ATP10A: variants seen among roughly 807,000 people sequenced by gnomAD.
ATP10A encodes ATPase phospholipid transporting 10A (putative).
Under a neutral mutation model 147.8 loss-of-function variants are expected in ATP10A, and 111 were observed. The ratio of observed to expected loss-of-function variants is 0.75; its 90% CI spans 0.64 to 0.88. ATP10A has a LOEUF of 0.88. Ranked by LOEUF, ATP10A falls within the 40% of genes least tolerant of loss-of-function variation. The probability of loss-of-function intolerance (pLI) is 0.00; values close to 1 mark genes in which losing one functional copy is unlikely to be tolerated. For synonymous variants in ATP10A, 875 were observed against 841.6 expected, an observed-to-expected ratio of 1.04 and a Z score of -0.69; for missense variants, 1,927 against 1,959.0, an observed-to-expected ratio of 0.98 and a Z score of 0.31.
At chr15:25,775,089 T>C (rs1327505309) in intron 2 of ATP10A, among the ~76,000 whole-genome samples, 1 of 152,190 alleles carries the variant, frequency 6.6e-6, no homozygotes, top group Non-Finnish European at 1.5e-5. Context: ...GATGATAGAT[T>C]ATGCTGCCTC....
chr15:25,710,402 T>A (rs1280547088), intron 10 of ATP10A: 1 of 152,184 alleles, frequency 6.6e-6, no homozygotes, highest in Non-Finnish European at 1.5e-5. Context: ...TCTGCGAAGA[T>A]GACTCCAGTG....
intron 1 of ATP10A, among the ~76,000 whole-genome samples, chr15:25,795,737 G>T (rs1388076534): frequency 6.6e-6 from 1 of 152,174 alleles, no homozygotes; most frequent in African/African-American, 2.4e-5. Flanking sequence ...ATGTGCTATA[G>T]TGTGGATGTT....
intron 1 of ATP10A, among the ~76,000 whole-genome samples, chr15:25,805,846 G>A (rs560326661): frequency 4.1e-4 from 63 of 152,162 alleles, no homozygotes; most frequent in South Asian, 1.0e-3. Context: ...AGAGACTAAA[G>A]GAAAATGTAT....
intron 1 of ATP10A, among the ~76,000 whole-genome samples, chr15:25,789,905 A>G (rs879753128): frequency 6.6e-5 from 10 of 152,142 alleles, no homozygotes; most frequent in Non-Finnish European, 1.2e-4. Flanking sequence ...ACATTGTCAA[A>G]TGCCTCCTGG....
Position 25,804,856 on chromosome 15 carries a change from G to C in ATP10A, c.450-23633C>G, listed in dbSNP as rs141202825. 2.5e-3 allele frequency among the ~76,000 whole-genome samples: 383 copies of C among 152,176 alleles called. 1 individual carries two copies. Among genetic ancestry groups the C allele is most frequent in the African/African-American group, 9.0e-3 (372 of 41,502 alleles). On this transcript the variant is annotated intron_variant, in intron 1 of 20. Coordinates refer to ENST00000555815, the MANE Select transcript of ATP10A (RefSeq NM_024490.4). ...AATAGTTGAAAAAATTGATATGAAA[G>C]TTCTTTTAGAAGTAAAAAATAAAAT...
chr15:25,863,466 G>A (rs1330464254), upstream of ATP10A, among the ~76,000 whole-genome samples: 2 of 152,176 alleles, frequency 1.3e-5, no homozygotes, highest in African/African-American at 2.4e-5. Context: ...AAAAAAGCCC[G>A]AGCTGGAAAC....
Position 25,714,188 on chromosome 15 carries a change from C to G in ATP10A, c.1830G>C (p.Leu610=), listed in dbSNP as rs936341776. The G allele has an allele frequency of 6.2e-7, 1 of 1,606,330 alleles. No homozygotes were observed. The highest frequency in any genetic ancestry group is 1.7e-5 in the Admixed American group (1 of 60,014). ...TCAGGCAGCTGGGTGTGAACCTCCGCAGGAAGTCTTCTATCGTCTTCACCG... is the reference window on the plus strand; with the variant it reads ...TCAGGCAGCTGGGTGTGAACCTCCGGAGGAAGTCTTCTATCGTCTTCACCG... The part of the protein sequence containing the change: ...KSPVKTIEDF[L]RRFTPSCLTS... Residue 610 remains leucine, a synonymous_variant, in exon 10 of 21, where the codon CTG becomes CTC. Transcript: ENST00000555815.
intron 1 of ATP10A, among the ~76,000 whole-genome samples, chr15:25,792,619 C>T (rs1217160280): frequency 6.6e-6 from 1 of 152,194 alleles, no homozygotes; most frequent in African/African-American, 2.4e-5. Context: ...CCCCAACCCC[C>T]CAAGCACTGG....
intron 2 of ATP10A, 87 bp from the exon 3 acceptor site, chr15:25,736,228 C>A (rs566132580): frequency 2.0e-5 from 21 of 1,043,624 alleles, no homozygotes; most frequent in Non-Finnish European, 3.1e-5. Context: ...CTCGCATCCG[C>A]GGCAGGCACA....
At chr15:25,763,610 C>G (rs1382242053) in intron 2 of ATP10A, among the ~76,000 whole-genome samples, 2 of 152,228 alleles carry the variant, frequency 1.3e-5, no homozygotes, top group Non-Finnish European at 2.9e-5. Flanking sequence ...TGGAGGAACA[C>G]AGGCTGCAGA....
chr15:25,823,579 T>C (rs1271146876), intron 1 of ATP10A, among the ~76,000 whole-genome samples: 1 of 152,178 alleles, frequency 6.6e-6, no homozygotes, highest in African/African-American at 2.4e-5. Flanking sequence ...CTGGACCAAA[T>C]TGTTTCTAAA....
At chr15:25,701,013 C>T (rs1163443902) in intron 13 of ATP10A, among the ~76,000 whole-genome samples, 4 of 151,658 alleles carry the variant, frequency 2.6e-5, no homozygotes, top group Non-Finnish European at 4.4e-5. Context: ...GGTGCCCCGG[C>T]CAGCGTGGCT....
upstream of ATP10A, among the ~76,000 whole-genome samples, chr15:25,864,785 C>T (rs1349338143): frequency 1.3e-5 from 2 of 152,168 alleles, no homozygotes; most frequent in African/African-American, 4.8e-5. Flanking sequence ...AGGCCCACAG[C>T]GCCTGCAGTC....
chr15:25,790,554 A>C (rs1358877887), intron 1 of ATP10A, among the ~76,000 whole-genome samples: 1 of 152,242 alleles, frequency 6.6e-6, no homozygotes, highest in Admixed American at 6.5e-5. Flanking sequence ...GCCCAGAGAA[A>C]GTGACACACC....
chr15:25,814,326 AG>A (rs1205434273), intron 1 of ATP10A, among the ~76,000 whole-genome samples: 4 of 152,236 alleles, frequency 2.6e-5, no homozygotes, highest in Non-Finnish European at 5.9e-5. Context: ...AGACTTGCTC[AG>A]ACTTAAACAA....
intron 2 of ATP10A, among the ~76,000 whole-genome samples, chr15:25,778,467 A>G (rs1371219667): frequency 6.6e-6 from 1 of 151,174 alleles, no homozygotes; most frequent in Admixed American, 6.7e-5. Context: ...TGGATACCAA[A>G]AAAATGTCTT....
intron 13 of ATP10A, among the ~76,000 whole-genome samples, chr15:25,698,842 C>A (rs1017662367): frequency 1.3e-5 from 2 of 151,820 alleles, no homozygotes. Context: ...GGGACATAAC[C>A]CCATCATAAG....
At chr15:25,711,628 C>T (rs1275632928) in intron 10 of ATP10A, among the ~76,000 whole-genome samples, 3 of 152,194 alleles carry the variant, frequency 2.0e-5, no homozygotes, top group Non-Finnish European at 4.4e-5. Context: ...CGGAGATCAA[C>T]ACAAGCCCTT....
chr15:25,678,387 G>A (rs903731152), downstream of ATP10A: 1 of 152,166 alleles, frequency 6.6e-6, no homozygotes, highest in Non-Finnish European at 1.5e-5. Context: ...TGACAAAGTA[G>A]AAAGAAGGGC....
Sources: allele counts gnomAD v4.1 joint callset (sites outside exome capture counted in the v4.1 genomes callset), GRCh38; gene constraint gnomAD v4.1.1; transcripts MANE v1.5; gene names NCBI Gene and HGNC (gene_info 2026-07-23, HGNC 2026-07-21).